The following TBC1D22A variants were observed in gnomAD, a reference collection of about 807,000 sequenced individuals.
The protein encoded by TBC1D22A is putative GTPase activator.
Under a neutral mutation model 60.2 loss-of-function variants are expected in TBC1D22A, and 38 were observed. The observed-to-expected ratio is 0.63, with a 90% confidence interval of 0.49 to 0.83. The LOEUF is 0.83. Among genes scored for constraint, TBC1D22A ranks in the 40% least tolerant of loss-of-function variants. TBC1D22A has a pLI of 0.00. For synonymous variants in TBC1D22A, 302 were observed against 281.7 expected (o/e 1.07, Z -0.72); for missense variants, 628 against 701.0 (o/e 0.90, Z 1.18).
intron 4 of TBC1D22A, among the ~76,000 whole-genome samples, chr22:46,807,900 G>T (rs2085217456): frequency 6.6e-6 from 1 of 152,186 alleles, no homozygotes; most frequent in Non-Finnish European, 1.5e-5. Context: ...CCAGGAGTTG[G>T]AGGCTACAGT....
chr22:46,892,336 A>G (rs35119670), intron 6 of TBC1D22A, among the ~76,000 whole-genome samples: 4,083 of 151,766 alleles, frequency 0.027, 86 homozygotes, highest in Middle Eastern at 0.045. Flanking sequence ...TACCTCTGTT[A>G]CATAACAAAG....
chr22:46,884,536 T>C (rs1447867126), intron 5 of TBC1D22A, among the ~76,000 whole-genome samples: 1 of 152,166 alleles, frequency 6.6e-6, no homozygotes. Context: ...AGGCGGCTGC[T>C]GGCCCTGCAC....
At chr22:47,003,473 A>G (rs1247566734) in intron 10 of TBC1D22A, among the ~76,000 whole-genome samples, 1 of 146,890 alleles carries the variant, frequency 6.8e-6, no homozygotes, top group Admixed American at 6.8e-5. Flanking sequence ...GCCTGTACAC[A>G]CGCACCCTAC....
At chr22:46,860,764 T>A (rs1341578568) in intron 4 of TBC1D22A, among the ~76,000 whole-genome samples, 1 of 152,226 alleles carries the variant, frequency 6.6e-6, no homozygotes, top group Non-Finnish European at 1.5e-5. Context: ...ACTGAGGAGA[T>A]CCTGCTGCCA....
chr22:46,846,627 C>G (rs1354944489), intron 4 of TBC1D22A, among the ~76,000 whole-genome samples: 1 of 152,192 alleles, frequency 6.6e-6, no homozygotes. Flanking sequence ...GCACAAAGAT[C>G]GAGAGAACAG....
At position 46,986,605 on chromosome 22, in the gene TBC1D22A, T is replaced by G. The variant is rs1463852183; in HGVS notation, c.1126-11029T>G. 2.0e-5 allele frequency among the ~76,000 whole-genome samples: 3 copies of G among 152,224 alleles called. No individual in the cohort carries two copies. The East Asian group carries it at 5.8e-4, about 29-fold the overall frequency. ...GGTTTTGCTCATACTTTGTCAAATT[T>G]GTTTCTGAATATTTTGTTTTTTTCT... On this transcript the variant is annotated intron_variant, in intron 9 of 12. Coordinates refer to ENST00000337137, the MANE Select transcript of TBC1D22A (RefSeq NM_014346.5).
At chr22:47,094,997 G>A (rs2065116216) in intron 11 of TBC1D22A, among the ~76,000 whole-genome samples, 1 of 152,244 alleles carries the variant, frequency 6.6e-6, no homozygotes, top group Non-Finnish European at 1.5e-5. Context: ...CACTGAGGCC[G>A]GCTGGGTAGC....
chr22:47,160,677 T>C (rs1027392340), intron 12 of TBC1D22A, among the ~76,000 whole-genome samples: 3 of 152,212 alleles, frequency 2.0e-5, no homozygotes, highest in African/African-American at 7.2e-5. Context: ...GAAATTTGAA[T>C]CTTTGAATCA....
chr22:46,875,756 A>G (rs894815668), intron 4 of TBC1D22A, among the ~76,000 whole-genome samples: 1 of 152,122 alleles, frequency 6.6e-6, no homozygotes, highest in African/African-American at 2.4e-5. Flanking sequence ...TGGCCTAGCA[A>G]TATGCTTATT....
intron 10 of TBC1D22A, among the ~76,000 whole-genome samples, chr22:47,022,561 AAC>A (rs1556007566): frequency 1.3e-5 from 2 of 149,094 alleles, no homozygotes; most frequent in Admixed American, 6.6e-5. Context: ...CAAAAAAAAA[AAC>A]ACCAAAACAA....
intron 11 of TBC1D22A, among the ~76,000 whole-genome samples, chr22:47,054,890 C>T (rs2063341003): frequency 6.6e-6 from 1 of 152,160 alleles, no homozygotes; most frequent in Non-Finnish European, 1.5e-5. Context: ...GGGCACAGAC[C>T]GTGGGGTGTG....
chr22:47,168,807 T>A (rs1353505878), intron 12 of TBC1D22A, among the ~76,000 whole-genome samples: 1 of 151,992 alleles, frequency 6.6e-6, no homozygotes, highest in Non-Finnish European at 1.5e-5. Context: ...GGCACTAGGA[T>A]TCGTTTGACT....
chr22:46,809,590 G>C (rs2085297345), intron 4 of TBC1D22A, among the ~76,000 whole-genome samples: 1 of 151,028 alleles, frequency 6.6e-6, no homozygotes, highest in South Asian at 2.1e-4. Flanking sequence ...AGCATCTCGG[G>C]GGTCAGGGCA....
At chr22:46,770,254 C>G (rs2083439324) in intron 1 of TBC1D22A, among the ~76,000 whole-genome samples, 1 of 152,186 alleles carries the variant, frequency 6.6e-6, no homozygotes, top group Non-Finnish European at 1.5e-5. Context: ...CTGCAGATGG[C>G]TAACAGGAGA....
At chr22:47,139,720 T>C (rs1318705071) in intron 12 of TBC1D22A, among the ~76,000 whole-genome samples, 2 of 152,184 alleles carry the variant, frequency 1.3e-5, no homozygotes, top group Non-Finnish European at 2.9e-5. Context: ...GTTGTGAGTG[T>C]CTGCCCAGGG....
intron 4 of TBC1D22A, among the ~76,000 whole-genome samples, chr22:46,863,392 T>C (rs2066906006): frequency 6.6e-6 from 1 of 152,192 alleles, no homozygotes; most frequent in African/African-American, 2.4e-5. Context: ...TCAAGTACTG[T>C]ATTGGTGACA....
In TBC1D22A at chr22:47,033,659, G is replaced by T. The variant is rs532764792; in HGVS notation, c.1202-3412G>T. On this transcript the variant is annotated intron_variant, in intron 10 of 12. Transcript: ENST00000337137. ...AGAAGAGGGGGAGGCTCACAGCTTG[G>T]GGTGTTTCTGGAAGCATCCAGGAGT... Among the ~76,000 whole-genome samples, 11 of 152,318 alleles carry T rather than the reference G, an allele frequency of 7.2e-5. No individual in the cohort carries two copies. In the East Asian group the frequency reaches 1.3e-3, roughly 19 times the overall value.
At chr22:46,867,882 C>A (rs896081774) in intron 4 of TBC1D22A, among the ~76,000 whole-genome samples, 1 of 152,248 alleles carries the variant, frequency 6.6e-6, no homozygotes, top group Non-Finnish European at 1.5e-5. Context: ...CGGCAGAATG[C>A]CTTCTCATCC....
intron 12 of TBC1D22A, among the ~76,000 whole-genome samples, chr22:47,154,105 G>T (rs1197342678): frequency 6.6e-6 from 1 of 152,154 alleles, no homozygotes; most frequent in East Asian, 1.9e-4. Context: ...GGGAGCAGGG[G>T]AGCTCCGGGA....
Sources: allele counts gnomAD v4.1 joint callset (sites outside exome capture counted in the v4.1 genomes callset), GRCh38; gene constraint gnomAD v4.1.1; transcripts MANE v1.5; gene names NCBI Gene and HGNC (gene_info 2026-07-23, HGNC 2026-07-21).